TMEM268: variants seen among roughly 807,000 people sequenced by gnomAD.
TMEM268 encodes transmembrane protein 268, also known as transmembrane protein C9orf91.
TMEM268 carries 24 observed loss-of-function variants against 39.1 expected under a neutral mutation model. That is an observed-to-expected ratio of 0.61 (90% confidence interval 0.44 to 0.86). The LOEUF (loss-of-function observed/expected upper bound fraction) is 0.86. Among genes scored for constraint, TMEM268 ranks in the 40% least tolerant of loss-of-function variants. The pLI is 0.00. For synonymous variants in TMEM268, 176 were observed against 173.5 expected, an observed-to-expected ratio of 1.01 and a Z score of -0.12; for missense variants, 409 against 428.6, an observed-to-expected ratio of 0.95 and a Z score of 0.40.
intron 4 of TMEM268, 62 bp from the exon 5 acceptor site, chr9:114,628,039 A>G (rs953092092): frequency 1.3e-6 from 2 of 1,585,046 alleles, no homozygotes; most frequent in East Asian, 2.3e-5. Context: ...GTCCCTTTGA[A>G]TGGAGCTGCT....
chr9:114,637,288 CTTTTTTTT>C (rs33946644), intron 7 of TMEM268, among the ~76,000 whole-genome samples: 1 of 127,336 alleles, frequency 7.9e-6, no homozygotes, highest in African/African-American at 3.0e-5. Context: ...TATATTTCTT[CTTTTTTTT>C]TTTTTTTTTT....
intron 5 of TMEM268, among the ~76,000 whole-genome samples, chr9:114,631,326 G>T (rs1385716874): frequency 6.7e-6 from 1 of 150,056 alleles, no homozygotes; most frequent in East Asian, 2.0e-4. Flanking sequence ...GTTTGTAAAG[G>T]CAGGCAAGTC....
intron 5 of TMEM268, among the ~76,000 whole-genome samples, chr9:114,632,797 C>T (rs555233026): frequency 3.8e-4 from 58 of 152,312 alleles, no homozygotes; most frequent in African/African-American, 1.3e-3. Context: ...ACTTTACACA[C>T]AATCTCAGTG....
rs1554755506 is a variant in TMEM268 at position 114,611,550 on chromosome 9, G to GCGGCGC, written c.-88_-87insCCGGCG. On this transcript the variant is annotated 5_prime_UTR_variant, in exon 1 of 9. Coordinates refer to ENST00000288502, the MANE Select transcript of TMEM268 (RefSeq NM_153045.4). ...TCCCGGGGTGGCGGCGGCGGCGGCG[G>GCGGCGC]CGGCGGCGCGGGCGGTGAGTGTGCG... 1.2e-5 allele frequency: 2 copies of GCGGCGC among 167,420 alleles called. No individual in the cohort carries two copies. The highest frequency in any genetic ancestry group is 1.7e-4 in the East Asian group (1 of 5,736). 10.4% of individuals were successfully genotyped at this position (167,420 alleles called of 1,614,324 possible).
At chr9:114,616,182 AT>A (rs1845703536) in intron 1 of TMEM268, among the ~76,000 whole-genome samples, 1 of 149,064 alleles carries the variant, frequency 6.7e-6, no homozygotes, top group Non-Finnish European at 1.5e-5. Context: ...CGCCTGGCTA[AT>A]TTTTTGTATT....
intron 8 of TMEM268, among the ~76,000 whole-genome samples, chr9:114,640,607 A>G (rs1181685731): frequency 6.6e-6 from 1 of 152,236 alleles, no homozygotes; most frequent in Non-Finnish European, 1.5e-5. Context: ...TGCTGATTCT[A>G]AGTAGGCCAG....
intron 1 of TMEM268, among the ~76,000 whole-genome samples, chr9:114,612,458 T>A (rs1845539965): frequency 6.6e-6 from 1 of 152,118 alleles, no homozygotes; most frequent in African/African-American, 2.4e-5. Context: ...TCTGACCTTC[T>A]GTGTTATCCT....
At chr9:114,611,144 C>CA (rs1299966602), upstream of TMEM268, 1 of 152,364 alleles carries the variant, frequency 6.6e-6, no homozygotes, top group Admixed American at 6.5e-5. Context: ...TCCACGGGTT[C>CA]CGTGATTGTG....
intron 3 of TMEM268, among the ~76,000 whole-genome samples, chr9:114,625,225 C>T (rs1231008661): frequency 1.3e-5 from 2 of 152,000 alleles, no homozygotes; most frequent in African/African-American, 4.8e-5. Flanking sequence ...CTTGAGGAAC[C>T]CTGGCATTGT....
rs778743779 is a variant in TMEM268, at chr9:114,624,341, T to C, written c.107-9T>C. On this transcript the variant is annotated splice_polypyrimidine_tract_variant and intron_variant, in intron 2 of 8. Transcript: ENST00000288502. ...ACTCAGCCAGATGAAGCTTCTGGTC[T>C]GCTTCCAGAGCTCCACAATGGCCAG... 1.3e-6 allele frequency: 2 copies of C among 1,591,876 alleles called. No homozygotes were observed. The highest frequency in any genetic ancestry group is 1.7e-6 in the Non-Finnish European group (2 of 1,167,638).
intron 8 of TMEM268, among the ~76,000 whole-genome samples, chr9:114,641,245 T>C (rs1827325246): frequency 6.6e-6 from 1 of 152,206 alleles, no homozygotes; most frequent in African/African-American, 2.4e-5. Context: ...ATTCTACCAA[T>C]GAAGAAATGG....
rs186046563 is a variant in TMEM268 at position 114,631,666 on chromosome 9, A to C, written c.475-2102A>C. On this transcript the variant is annotated intron_variant, in intron 5 of 8. Coordinates refer to ENST00000288502, the MANE Select transcript of TMEM268 (RefSeq NM_153045.4). ...ACTATTGGTGATACAGATTTCTAGA[A>C]GGAAGAAATCCACATCAAATCCAAA... Among the ~76,000 whole-genome samples the C allele has an allele frequency of 1.9e-3, 294 of 152,342 alleles. 2 individuals carry two copies. The highest frequency in any genetic ancestry group is 6.7e-3 in the African/African-American group (280 of 41,564).
chr9:114,635,349 CAAA>C (rs78652701), intron 6 of TMEM268, among the ~76,000 whole-genome samples: 5 of 141,404 alleles, frequency 3.5e-5, no homozygotes, highest in African/African-American at 1.0e-4. Flanking sequence ...GACTCCATCT[CAAA>C]AAAAAAAAAT....
chr9:114,615,999 C>CTTTTTCT (rs1159954937), intron 1 of TMEM268, among the ~76,000 whole-genome samples: 1 of 147,122 alleles, frequency 6.8e-6, no homozygotes, highest in African/African-American at 2.5e-5. Flanking sequence ...GCCTACTTTT[C>CTTTTTCT]TTTTTCTTTT....
chr9:114,618,202 T>G (rs117106266), intron 2 of TMEM268, among the ~76,000 whole-genome samples: 1,917 of 151,912 alleles, frequency 0.013, 70 homozygotes, highest in East Asian at 0.11. Flanking sequence ...AAATACACAT[T>G]TAGTCCAACC....
Position 114,643,188 on chromosome 9 carries a change from G to C in TMEM268, c.904G>C (p.Val302Leu), listed in dbSNP as rs1397626998. ...VFGGYYIRLL[V>L]TSQLPQAMGT... ...TGGCGGCTACTACATCCGGCTTCTA[G>C]TGACCTCCCAGCTCCCTCAGGCAAT... Residue 302 changes from valine to leucine, a missense_variant, in exon 9 of 9, where the codon GTG (valine) becomes CTG (leucine). Transcript: ENST00000288502. 1 of 1,614,198 alleles carries C rather than the reference G, an allele frequency of 6.2e-7. No homozygotes were observed. Among genetic ancestry groups the C allele is most frequent in the East Asian group, 2.2e-5 (1 of 44,884 alleles).
At chr9:114,613,462 A>G (rs922721068) in intron 1 of TMEM268, among the ~76,000 whole-genome samples, 2 of 152,228 alleles carry the variant, frequency 1.3e-5, no homozygotes, top group African/African-American at 2.4e-5. Context: ...GGATCTCAGA[A>G]TTATATCTGC....
At chr9:114,636,731 C>T (rs1441150561) in intron 6 of TMEM268, among the ~76,000 whole-genome samples, 1 of 152,066 alleles carries the variant, frequency 6.6e-6, no homozygotes, top group Non-Finnish European at 1.5e-5. Context: ...GAACTCCTGG[C>T]CTCAAGTGAT....
At chr9:114,627,484 G>A (rs1846214128) in intron 4 of TMEM268, among the ~76,000 whole-genome samples, 1 of 152,074 alleles carries the variant, frequency 6.6e-6, no homozygotes, top group Non-Finnish European at 1.5e-5. Flanking sequence ...AAATGACAGA[G>A]CCAGGATTTG....
Sources: allele counts gnomAD v4.1 joint callset (sites outside exome capture counted in the v4.1 genomes callset), GRCh38; gene constraint gnomAD v4.1.1; transcripts MANE v1.5; gene names NCBI Gene and HGNC (gene_info 2026-07-23, HGNC 2026-07-21).